FUT9: variants seen among roughly 807,000 people sequenced by gnomAD.
The protein encoded by FUT9 is 4-galactosyl-N-acetylglucosaminide 3-alpha-L-fucosyltransferase 9.
In FUT9, 15 loss-of-function variants were observed where a neutral mutation model predicts 29.7. That is an observed-to-expected ratio of 0.51 (90% CI 0.34 to 0.78). The LOEUF is 0.78. Ranked by LOEUF, FUT9 falls within the 30% of genes least tolerant of loss-of-function variation. FUT9 has a pLI of 0.01. For synonymous variants in FUT9, 169 were observed against 153.7 expected (o/e 1.10, Z -0.74); for missense variants, 319 against 425.4 (o/e 0.75, Z 2.20).
intron 2 of FUT9, among the ~76,000 whole-genome samples, chr6:96,194,924 T>G (rs1455431298): frequency 6.6e-6 from 1 of 152,050 alleles, no homozygotes; most frequent in Non-Finnish European, 1.5e-5. Context: ...CAGTGTCAGA[T>G]CTCATGGCTC....
chr6:96,190,128 C>T (rs988096003), intron 2 of FUT9, among the ~76,000 whole-genome samples: 1 of 152,038 alleles, frequency 6.6e-6, no homozygotes, highest in African/African-American at 2.4e-5. Context: ...TCAGCATTTG[C>T]TTGTCTATAA....
intron 2 of FUT9, among the ~76,000 whole-genome samples, chr6:96,171,662 T>C (rs1003186876): frequency 1.3e-5 from 2 of 152,124 alleles, no homozygotes; most frequent in African/African-American, 2.4e-5. Context: ...AAAAACAAAA[T>C]AGTGATATCT....
intron 2 of FUT9, among the ~76,000 whole-genome samples, chr6:96,131,578 C>A (rs887571196): frequency 5.3e-5 from 8 of 152,136 alleles, no homozygotes; most frequent in Admixed American, 4.6e-4. Context: ...AGCTTATTCG[C>A]ATTCTACTGC....
rs564082847 is a variant in FUT9 at position 96,206,511 on chromosome 6, G to A, written c.*2276G>A. The A allele has an allele frequency of 1.3e-4, 22 of 166,772 alleles. No individual in the cohort carries two copies. The highest frequency in any genetic ancestry group is 3.3e-3 in the Middle Eastern group (1 of 300). 10.3% of individuals were successfully genotyped at this position (166,772 alleles called of 1,614,324 possible). A position where few individuals can be genotyped will look rare whatever the true frequency, so the allele number is the denominator to read the frequency against. On this transcript the variant is annotated 3_prime_UTR_variant, in exon 3 of 3. Coordinates refer to ENST00000302103, the MANE Select transcript of FUT9 (RefSeq NM_006581.4). ...AGAGTCTTGCTCTGTCGCCCAGGCC[G>A]GAGTGCAGTGGTGCAGTCTCGGCTC...
intron 1 of FUT9, among the ~76,000 whole-genome samples, chr6:96,021,850 A>G (rs1770074742): frequency 6.7e-6 from 1 of 149,960 alleles, no homozygotes; most frequent in Admixed American, 6.6e-5. Flanking sequence ...TAATGGCTCC[A>G]AACAGCTTCT....
chr6:96,193,205 G>A (rs1461260002), intron 2 of FUT9, among the ~76,000 whole-genome samples: 1 of 8,280 alleles, frequency 1.2e-4, no homozygotes, highest in East Asian at 0.029. Flanking sequence ...AGACAAATGG[G>A]ATCTAATTAA....
chr6:96,052,446 C>T (rs1433950301), intron 1 of FUT9, among the ~76,000 whole-genome samples: 4 of 152,168 alleles, frequency 2.6e-5, no homozygotes, highest in African/African-American at 9.7e-5. Flanking sequence ...ATTCTTTCAC[C>T]CCATAGCTTC....
rs142496288 is a variant in FUT9, at chr6:96,113,771, G to A, written c.-97-268G>A. 2.5e-3 allele frequency among the ~76,000 whole-genome samples: 384 copies of A among 150,946 alleles called. 12 individuals carry two copies. In the East Asian group the frequency reaches 0.071, roughly 28 times the overall value. On this transcript the variant is annotated intron_variant, in intron 1 of 2. Coordinates refer to ENST00000302103, the MANE Select transcript of FUT9 (RefSeq NM_006581.4). Reference sequence around the variant, plus strand: ...CAGGAGGCTGAGGCCGGAGAATGTCGTGAACCAGGGAGGCGGTGCTTGCAG... The same window carrying A: ...CAGGAGGCTGAGGCCGGAGAATGTCATGAACCAGGGAGGCGGTGCTTGCAG...
chr6:96,118,429 TATCTC>T (rs1771955597), intron 2 of FUT9, among the ~76,000 whole-genome samples: 1 of 152,152 alleles, frequency 6.6e-6, no homozygotes, highest in African/African-American at 2.4e-5. Context: ...AAACAATTCT[TATCTC>T]CTAATAACTT....
intron 2 of FUT9, among the ~76,000 whole-genome samples, chr6:96,200,110 T>G (rs1278363891): frequency 6.6e-6 from 1 of 152,144 alleles, no homozygotes; most frequent in Non-Finnish European, 1.5e-5. Flanking sequence ...GGGCCTCAGT[T>G]TCTTTATCAA....
At chr6:96,195,729 T>C (rs972543362) in intron 2 of FUT9, among the ~76,000 whole-genome samples, 3 of 152,068 alleles carry the variant, frequency 2.0e-5, no homozygotes, top group African/African-American at 7.2e-5. Context: ...AGCATAAAAA[T>C]TGTAGCCAGG....
intron 2 of FUT9, among the ~76,000 whole-genome samples, chr6:96,195,765 C>CA (rs952021527): frequency 6.5e-4 from 98 of 151,244 alleles, no homozygotes; most frequent in Non-Finnish European, 5.5e-4. Flanking sequence ...AAACAATAAC[C>CA]AAAAAAAACT....
chr6:96,082,619 C>T (rs1771254818), intron 1 of FUT9, among the ~76,000 whole-genome samples: 3 of 151,982 alleles, frequency 2.0e-5, no homozygotes, highest in East Asian at 1.9e-4. Flanking sequence ...CCTTATTTAG[C>T]AGAGAGTCTT....
chr6:96,136,577 G>T (rs1004442979), intron 2 of FUT9, among the ~76,000 whole-genome samples: 1 of 151,708 alleles, frequency 6.6e-6, no homozygotes, highest in African/African-American at 2.4e-5. Context: ...CCTAACATTG[G>T]CAATCCTTTT....
At chr6:96,022,869 C>T (rs974603967) in intron 1 of FUT9, among the ~76,000 whole-genome samples, 1 of 151,796 alleles carries the variant, frequency 6.6e-6, no homozygotes, top group African/African-American at 2.4e-5. Context: ...GTACCTGGTA[C>T]GTGTATATCC....
chr6:96,059,753 T>C (rs1396129314), intron 1 of FUT9, among the ~76,000 whole-genome samples: 5 of 152,224 alleles, frequency 3.3e-5, no homozygotes, highest in Non-Finnish European at 5.9e-5. Flanking sequence ...ATATCTACTC[T>C]GTACAGAAAA....
intron 1 of FUT9, among the ~76,000 whole-genome samples, chr6:96,077,117 G>A (rs1049729525): frequency 3.9e-5 from 6 of 152,008 alleles, no homozygotes; most frequent in Admixed American, 1.3e-4. Context: ...ATGCAGACAT[G>A]GTTCTGGTAT....
chr6:96,161,480 C>G (rs1772900516), intron 2 of FUT9, among the ~76,000 whole-genome samples: 1 of 152,062 alleles, frequency 6.6e-6, no homozygotes, highest in Non-Finnish European at 1.5e-5. Flanking sequence ...CCTGACTGAA[C>G]TAAGACAGAA....
At chr6:96,199,402 G>A (rs980280500) in intron 2 of FUT9, among the ~76,000 whole-genome samples, 1 of 152,050 alleles carries the variant, frequency 6.6e-6, no homozygotes, top group Non-Finnish European at 1.5e-5. Flanking sequence ...GACCCTGACA[G>A]CACTGAAAAA....
Sources: gnomAD v4.1 joint callset for allele counts (sites outside exome capture counted in the v4.1 genomes callset) on GRCh38, gnomAD v4.1.1 for gene constraint, MANE v1.5 for transcripts, NCBI Gene and HGNC (gene_info 2026-07-23, HGNC 2026-07-21) for gene names.